Variants in ANO4 observed in about 807,000 individuals in gnomAD.
The protein encoded by ANO4 is anoctamin 4, also known as anoctamin-4.
A neutral mutation model predicts 141.9 loss-of-function variants in ANO4; 69 were observed. The ratio of observed to expected loss-of-function variants is 0.49; its 90% CI spans 0.40 to 0.59. ANO4 has a LOEUF of 0.59. Among genes scored for constraint, ANO4 ranks in the 20% least tolerant of loss-of-function variants. The pLI is 0.00. For missense variants in ANO4, 894 were observed against 1,162.2 expected, an observed-to-expected ratio of 0.77 and a Z score of 3.36; for synonymous variants, 350 against 394.3, an observed-to-expected ratio of 0.89 and a Z score of 1.33.
At chr12:101,047,024 C>T (rs919684475) in intron 13 of ANO4, among the ~76,000 whole-genome samples, 22 of 152,086 alleles carry the variant, frequency 1.4e-4, no homozygotes, top group African/African-American at 3.4e-4. Flanking sequence ...CCGAGGCAGG[C>T]GGATCACCTG....
upstream of ANO4, among the ~76,000 whole-genome samples, chr12:100,793,773 A>G (rs964758895): frequency 6.6e-6 from 1 of 152,200 alleles, no homozygotes; most frequent in African/African-American, 2.4e-5. Context: ...ATATAATGTA[A>G]TCATCACAAC....
chr12:100,939,188 T>C, intron 3 of ANO4, 127 bp from the exon 4 acceptor site: 1 of 943,698 alleles, frequency 1.1e-6, no homozygotes, highest in Non-Finnish European at 1.6e-6. Flanking sequence ...AATAATATGC[T>C]TGTCACTCAA....
chr12:100,813,457 A>G (rs1449985551), intron 1 of ANO4, among the ~76,000 whole-genome samples: 1 of 152,046 alleles, frequency 6.6e-6, no homozygotes, highest in African/African-American at 2.4e-5. Flanking sequence ...CTCTTTTTCC[A>G]TTTTAGCAAA....
chr12:100,942,277 A>G, intron 4 of ANO4, 100 bp from the exon 5 acceptor site: 2 of 1,409,122 alleles, frequency 1.4e-6, no homozygotes, highest in Non-Finnish European at 1.9e-6. Flanking sequence ...CCGCACCCGA[A>G]CTGAAAAAAG....
At chr12:101,094,450 T>G (rs1285341620) in intron 18 of ANO4, among the ~76,000 whole-genome samples, 158 bp downstream of exon 18, 1 of 152,186 alleles carries the variant, frequency 6.6e-6, no homozygotes, top group African/African-American at 2.4e-5. Flanking sequence ...AATTTAAATA[T>G]GTCTAGTAAT....
At chr12:101,097,738 C>T (rs1439732675) in intron 20 of ANO4, 30 bp downstream of exon 20, 25 of 1,612,400 alleles carry the variant, frequency 1.6e-5, no homozygotes, top group Middle Eastern at 1.6e-4. Flanking sequence ...TCCTTGTTTC[C>T]GACAGACTTG....
intron 8 of ANO4, among the ~76,000 whole-genome samples, chr12:100,989,737 A>ATG (rs2044975899): frequency 9.9e-6 from 1 of 101,408 alleles, no homozygotes; most frequent in African/African-American, 3.4e-5. Context: ...ATGGGTGGAT[A>ATG]GATGGATGGA....
At chr12:101,056,377 T>G (rs1375972408) in intron 14 of ANO4, among the ~76,000 whole-genome samples, 1 of 152,188 alleles carries the variant, frequency 6.6e-6, no homozygotes, top group African/African-American at 2.4e-5. Flanking sequence ...TATTTTTCTG[T>G]AATTTCAATT....
At chr12:101,098,694 A>G (rs551610799) in intron 21 of ANO4, among the ~76,000 whole-genome samples, 1 of 152,250 alleles carries the variant, frequency 6.6e-6, no homozygotes, top group South Asian at 2.1e-4. Flanking sequence ...AAAATAAAAC[A>G]TTAAACAAAA....
intron 1 of ANO4, among the ~76,000 whole-genome samples, chr12:100,796,174 A>T (rs2034307066): frequency 6.6e-6 from 1 of 151,584 alleles, no homozygotes; most frequent in Non-Finnish European, 1.5e-5. Flanking sequence ...TTATTTGTGT[A>T]GGTTTTTCCA....
chr12:100,907,168 A>G (rs2040884276), intron 2 of ANO4, among the ~76,000 whole-genome samples: 1 of 152,168 alleles, frequency 6.6e-6, no homozygotes, highest in Non-Finnish European at 1.5e-5. Flanking sequence ...GTCCTCTCCA[A>G]TTTAGCCTCT....
chr12:100,830,862 C>A (rs1165775707), intron 1 of ANO4, among the ~76,000 whole-genome samples: 1 of 152,072 alleles, frequency 6.6e-6, no homozygotes. Flanking sequence ...CCACTTTGAG[C>A]ACAAAAGTGT....
intron 2 of ANO4, among the ~76,000 whole-genome samples, chr12:100,915,751 C>G (rs1333548944): frequency 6.6e-6 from 1 of 152,094 alleles, no homozygotes; most frequent in African/African-American, 2.4e-5. Context: ...ATTTGTACTA[C>G]AGCCTCCAAA....
intron 1 of ANO4, among the ~76,000 whole-genome samples, chr12:100,727,008 A>G (rs2031161537): frequency 6.7e-6 from 1 of 148,198 alleles, no homozygotes; most frequent in Non-Finnish European, 1.5e-5. Context: ...GATTTTTATC[A>G]TCACAGATTA....
chr12:101,051,574 A>G (rs1267092108), intron 14 of ANO4, among the ~76,000 whole-genome samples: 2 of 152,234 alleles, frequency 1.3e-5, no homozygotes, highest in Non-Finnish European at 1.5e-5. Flanking sequence ...CAATATTAAC[A>G]GTTATATTAA....
chr12:100,770,108 G>GT (rs1370371204), intron 3 of ANO4, among the ~76,000 whole-genome samples: 1 of 152,186 alleles, frequency 6.6e-6, no homozygotes, highest in African/African-American at 2.4e-5. Context: ...GTAACACCGT[G>GT]TTTTCCCTTT....
chr12:100,852,060 A>G (rs2135853910), intron 1 of ANO4, among the ~76,000 whole-genome samples: 1 of 152,278 alleles, frequency 6.6e-6, no homozygotes, highest in South Asian at 2.1e-4. Flanking sequence ...GAATCATTGC[A>G]AAGACTTAAA....
chr12:100,976,526 C>G (rs952281201), intron 7 of ANO4, among the ~76,000 whole-genome samples: 8 of 152,224 alleles, frequency 5.3e-5, no homozygotes, highest in African/African-American at 1.9e-4. Context: ...TTCTCAAACT[C>G]CAGCCAGCAT....
chr12:101,127,094 A>C lies in ANO4; in HGVS notation c.*4+20A>C, dbSNP rs771078141. On this transcript the variant is annotated intron_variant, in intron 27 of 27. Coordinates refer to ENST00000392977, the MANE Select transcript of ANO4 (RefSeq NM_001286615.2). ...GACCATGTAGGTGAGAGGTGTGCTC[A>C]GCGTCTGAGGCCATTCCGAGGTTGA... 1 of 1,602,010 alleles carries C rather than the reference A, an allele frequency of 6.2e-7. No homozygotes were observed. Among genetic ancestry groups the C allele is most frequent in the Non-Finnish European group, 8.5e-7 (1 of 1,173,462 alleles).
Sources: gnomAD v4.1 joint callset for allele counts (sites outside exome capture counted in the v4.1 genomes callset) on GRCh38, gnomAD v4.1.1 for gene constraint, MANE v1.5 for transcripts, NCBI Gene and HGNC (gene_info 2026-07-23, HGNC 2026-07-21) for gene names.